GALNT8: variants seen among roughly 807,000 people sequenced by gnomAD.
GALNT8 encodes the protein polypeptide N-acetylgalactosaminyltransferase 8, also known as probable polypeptide N-acetylgalactosaminyltransferase 8.
A neutral mutation model predicts 62.7 loss-of-function variants in GALNT8; 66 were observed. The ratio of observed to expected loss-of-function variants is 1.05; its 90% CI spans 0.86 to 1.29. The LOEUF (loss-of-function observed/expected upper bound fraction) is 1.29. Ranked by LOEUF, GALNT8 falls within the 50% of genes most tolerant of loss-of-function variation. GALNT8 has a pLI of 0.00. For synonymous variants in GALNT8, 288 were observed against 294.3 expected, an observed-to-expected ratio of 0.98 and a Z score of 0.22; for missense variants, 771 against 791.8, an observed-to-expected ratio of 0.97 and a Z score of 0.32.
intron 10 of GALNT8, among the ~76,000 whole-genome samples, 162 bp downstream of exon 10, chr12:4,765,708 G>A (rs1045691365): frequency 2.0e-5 from 3 of 152,272 alleles, no homozygotes; most frequent in Admixed American, 6.5e-5. Flanking sequence ...TGGAAGGCAG[G>A]ACATCCAGGG....
chr12:4,720,845 G>A lies in GALNT8; in HGVS notation c.168G>A (p.Val56=). The A allele has an allele frequency of 6.2e-7, 1 of 1,610,394 alleles. No homozygotes were observed. Among genetic ancestry groups the A allele is most frequent in the South Asian group, 1.1e-5 (1 of 91,024 alleles). Residue 56 remains valine, a synonymous_variant, in exon 1 of 11, where the codon GTG becomes GTA. Coordinates refer to ENST00000252318, the MANE Select transcript of GALNT8 (RefSeq NM_017417.2). The stretch of plus-strand genomic sequence containing the variant: ...ATCTGAATAAACGCTACGGGGCAGT[G>A]ATAAAGAGACTCTCCCACTTGGAGG... ...PLHLNKRYGA[V]IKRLSHLEVE... is the part of the protein sequence containing the mutation.
At chr12:4,741,348 C>T (rs1387862673) in intron 3 of GALNT8, among the ~76,000 whole-genome samples, 1 of 152,066 alleles carries the variant, frequency 6.6e-6, no homozygotes, top group Non-Finnish European at 1.5e-5. Context: ...AGACTAGTTT[C>T]ATTCATTTCT....
At chr12:4,725,233 CAGATTGAGCTTGAGGGAGTTCA>C (rs1946189329) in intron 1 of GALNT8, among the ~76,000 whole-genome samples, 1 of 152,166 alleles carries the variant, frequency 6.6e-6, no homozygotes, top group Admixed American at 6.5e-5. Context: ...GCTGAGTTCA[CAGATTGAGCTTGAGGGAGTTCA>C]AGGTGCATAT....
intron 10 of GALNT8, among the ~76,000 whole-genome samples, chr12:4,766,578 G>A (rs892122542): frequency 1.3e-5 from 2 of 152,136 alleles, no homozygotes; most frequent in Non-Finnish European, 1.5e-5. Context: ...AGGACAGGGC[G>A]GAGGGAATCT....
At chr12:4,741,897 C>G (rs1189107728) in intron 3 of GALNT8, among the ~76,000 whole-genome samples, 3 of 152,200 alleles carry the variant, frequency 2.0e-5, no homozygotes, top group Non-Finnish European at 4.4e-5. Context: ...GAGTCTCTGT[C>G]ATTAACCACG....
intron 4 of GALNT8, 96 bp downstream of exon 4, chr12:4,744,796 G>A (rs1946289546): frequency 2.0e-5 from 15 of 762,678 alleles, no homozygotes; most frequent in Non-Finnish European, 3.1e-5. Context: ...CACAGGGAAA[G>A]TCAGCACCAG....
intron 1 of GALNT8, among the ~76,000 whole-genome samples, chr12:4,721,824 G>A (rs1045348093): frequency 6.6e-6 from 1 of 152,168 alleles, no homozygotes; most frequent in Non-Finnish European, 1.5e-5. Context: ...CCCTTCCCAC[G>A]AGGCCATATT....
intron 6 of GALNT8, among the ~76,000 whole-genome samples, chr12:4,757,351 A>G (rs1021105092): frequency 6.6e-6 from 1 of 152,250 alleles, no homozygotes; most frequent in Admixed American, 6.5e-5. Context: ...ATATAATTTT[A>G]TAAAGATATT....
Position 4,772,571 on chromosome 12 carries a change from G to C in GALNT8, c.1888G>C (p.Asp630His). ...QVWEIQHTVRDWGQTNSQ is the reference protein window; with the variant it reads ...QVWEIQHTVRHWGQTNSQ ...GTGGGAAATCCAGCACACTGTCAGA[G>C]ACTGGGGTCAGACCAACAGCCAGTG... is the stretch of plus-strand genomic sequence containing the variant. Residue 630 changes from aspartate (D) to histidine (H), a missense_variant, in exon 11 of 11, where the codon GAC becomes CAC. Asp to His is a moderately conservative substitution (Grantham distance 81). Transcript: ENST00000252318. The C allele has an allele frequency of 6.2e-7, 1 of 1,613,906 alleles. No homozygotes were observed. The highest frequency in any genetic ancestry group is 8.5e-7 in the Non-Finnish European group (1 of 1,179,928).
chr12:4,741,933 A>G (rs1298845076), intron 3 of GALNT8, among the ~76,000 whole-genome samples: 1 of 152,246 alleles, frequency 6.6e-6, no homozygotes, highest in Non-Finnish European at 1.5e-5. Context: ...TTGAGCCTAC[A>G]CTGAGCATAA....
chr12:4,769,451 T>C (rs1406098664), intron 10 of GALNT8, among the ~76,000 whole-genome samples: 5 of 152,204 alleles, frequency 3.3e-5, no homozygotes, highest in Non-Finnish European at 5.9e-5. Context: ...AGGATTAATG[T>C]AGAAAATATC....
At chr12:4,759,083 T>C (rs865785242) in intron 6 of GALNT8, among the ~76,000 whole-genome samples, 1 of 152,184 alleles carries the variant, frequency 6.6e-6, no homozygotes, top group South Asian at 2.1e-4. Context: ...GCCTCAGCAA[T>C]CTTGACTTTT....
chr12:4,727,281 C>T (rs186122044), intron 2 of GALNT8, among the ~76,000 whole-genome samples: 3 of 151,556 alleles, frequency 2.0e-5, no homozygotes, highest in Admixed American at 2.0e-4. Flanking sequence ...ATCTGTTTCC[C>T]TTTGCTATTG....
At position 4,744,673 on chromosome 12, in the gene GALNT8, A is replaced by G; in HGVS notation, c.833A>G (p.Asp278Gly). 6.2e-7 allele frequency: 1 copy of G among 1,612,856 alleles called. No individual in the cohort carries two copies. The highest frequency in any genetic ancestry group is 8.5e-7 in the Non-Finnish European group (1 of 1,179,580). Residue 278 changes from aspartate (D) to glycine (G), a missense_variant, in exon 4 of 11, where the codon GAT becomes GGT. Physicochemically the swap from Asp to Gly is moderately conservative, Grantham distance 94. Transcript: ENST00000252318. ...ACAGCAGACGTGGTCGCCATCTTGG[A>G]TGCTCACATTGAAGTCAATGTTGGG... ...AATADVVAIL[D>G]AHIEVNVGWA...
At chr12:4,764,717 G>T (rs1416188527) in intron 9 of GALNT8, among the ~76,000 whole-genome samples, 2 of 146,624 alleles carry the variant, frequency 1.4e-5, no homozygotes, top group Admixed American at 6.8e-5. Context: ...CTAATTTTTT[G>T]TATTTTTTTT....
intron 7 of GALNT8, among the ~76,000 whole-genome samples, chr12:4,762,307 A>G (rs910997175): frequency 6.6e-6 from 1 of 152,160 alleles, no homozygotes; most frequent in South Asian, 2.1e-4. Context: ...GATGATCTAA[A>G]TTTTTACATG....
In GALNT8 at chr12:4,739,331, T is replaced by C. The variant is rs1278135212; in HGVS notation, c.676+2T>C. On this transcript the variant is annotated splice_donor_variant, in intron 3 of 10. Transcript: ENST00000252318. LOFTEE classifies it high-confidence loss of function. The stretch of plus-strand genomic sequence containing the variant: ...TGGTGGATGATTTCAGCTCAAATGG[T>C]GAGCAACGTGATCAAAGAATAATTG... 6.2e-7 allele frequency: 1 copy of C among 1,609,592 alleles called. No individual in the cohort carries two copies. Among genetic ancestry groups the C allele is most frequent in the South Asian group, 1.1e-5 (1 of 90,554 alleles).
rs1210413854 is a variant in GALNT8, at chr12:4,745,520, G to A, written c.952G>A (p.Asp318Asn). 4 of 1,610,544 alleles carry A rather than the reference G, an allele frequency of 2.5e-6. No individual in the cohort carries two copies. Among genetic ancestry groups the A allele is most frequent in the South Asian group, 1.1e-5 (1 of 91,028 alleles). ...CATTCGTTTTGACACCTTCAAACTG[G>A]ATAAGTATGAACTGGCAGTTGATGG... ...DNIRFDTFKL[D>N]KYELAVDGFN... Residue 318 changes from aspartate (D) to asparagine (N), a missense_variant, in exon 5 of 11, where the codon GAT becomes AAT. Coordinates refer to ENST00000252318, the MANE Select transcript of GALNT8 (RefSeq NM_017417.2).
chr12:4,720,998 T>A, intron 1 of GALNT8, 110 bp downstream of exon 1: 1 of 685,726 alleles, frequency 1.5e-6, no homozygotes, highest in Non-Finnish European at 2.6e-6. Flanking sequence ...CATTTTCATC[T>A]CAGTCGCTCA....
Sources: allele counts gnomAD v4.1 joint callset (sites outside exome capture counted in the v4.1 genomes callset), GRCh38; gene constraint gnomAD v4.1.1; transcripts MANE v1.5; gene names NCBI Gene and HGNC (gene_info 2026-07-23, HGNC 2026-07-21).